DCDC2: variants seen among roughly 807,000 people sequenced by gnomAD.
DCDC2 encodes doublecortin domain-containing protein 2.
Under a neutral mutation model 50.2 loss-of-function variants are expected in DCDC2, and 40 were observed. That is an observed-to-expected ratio of 0.80 (90% confidence interval 0.62 to 1.04). The LOEUF is 1.04. DCDC2 is among the 50% of genes least tolerant of loss of function. The pLI, the probability that DCDC2 is intolerant of heterozygous loss-of-function variation, is 0.00. For missense variants in DCDC2, 570 were observed against 581.9 expected, an observed-to-expected ratio of 0.98 and a Z score of 0.21; for synonymous variants, 234 against 210.6, an observed-to-expected ratio of 1.11 and a Z score of -0.96.
chr6:24,354,990 G>A (rs1015865155), intron 1 of DCDC2, among the ~76,000 whole-genome samples: 9 of 152,088 alleles, frequency 5.9e-5, no homozygotes, highest in African/African-American at 1.7e-4. Flanking sequence ...CCTCAATATC[G>A]TTTGGGCTTT....
intron 7 of DCDC2, among the ~76,000 whole-genome samples, chr6:24,217,823 C>A (rs957559051): frequency 1.3e-5 from 2 of 152,166 alleles, no homozygotes; most frequent in Non-Finnish European, 2.9e-5. Context: ...GATATAATAA[C>A]TTTAACTGGT....
At chr6:24,179,224 C>G (rs1389389207) in intron 8 of DCDC2, among the ~76,000 whole-genome samples, 1 of 152,064 alleles carries the variant, frequency 6.6e-6, no homozygotes, top group Non-Finnish European at 1.5e-5. Context: ...GATCTAAGGT[C>G]AAGAAACTAT....
chr6:24,186,804 C>T (rs893005123), intron 8 of DCDC2, among the ~76,000 whole-genome samples: 1 of 152,030 alleles, frequency 6.6e-6, no homozygotes, highest in Admixed American at 6.5e-5. Context: ...TGAACTGTAC[C>T]CTCCCTCACA....
At chr6:24,186,553 G>A (rs990101627) in intron 8 of DCDC2, among the ~76,000 whole-genome samples, 43 of 152,134 alleles carry the variant, frequency 2.8e-4, no homozygotes, top group Admixed American at 1.5e-3. Flanking sequence ...AAAACTGGTC[G>A]CCATGGTAAC....
At chr6:24,194,308 G>A (rs948336912) in intron 8 of DCDC2, among the ~76,000 whole-genome samples, 5 of 152,086 alleles carry the variant, frequency 3.3e-5, no homozygotes, top group Non-Finnish European at 5.9e-5. Context: ...ACAACCTCCA[G>A]TTTAAAAAAA....
chr6:24,283,481 C>T (rs906988936), intron 6 of DCDC2, among the ~76,000 whole-genome samples: 3 of 152,084 alleles, frequency 2.0e-5, no homozygotes, highest in African/African-American at 7.2e-5. Flanking sequence ...ACACTCCCTT[C>T]TATATGCAAA....
rs60077867 is a variant in DCDC2 at position 24,237,186 on chromosome 6, T to TA, written c.923-32085dup. 4.1e-3 allele frequency among the ~76,000 whole-genome samples: 596 copies of TA among 147,064 alleles called. 5 individuals are homozygous for TA. The highest frequency in any genetic ancestry group is 0.01 in the African/African-American group (414 of 40,726). On this transcript the variant is annotated intron_variant, in intron 7 of 9. Coordinates refer to ENST00000378454, the MANE Select transcript of DCDC2 (RefSeq NM_016356.5). The stretch of plus-strand genomic sequence containing the variant: ...AGTCAGAATGGCTATCATGAAAAGG[T>TA]AAAAAAAAAAAATCAGGCCCTAATT...
At chr6:24,182,629 G>GAAAA (rs71002473) in intron 8 of DCDC2, among the ~76,000 whole-genome samples, 3,368 of 105,816 alleles carry the variant, frequency 0.032, 161 homozygotes, top group Middle Eastern at 0.071. Flanking sequence ...ATGATGACAA[G>GAAAA]AAAAAAAAAA....
intron 2 of DCDC2, among the ~76,000 whole-genome samples, chr6:24,303,254 T>C (rs1759414644): frequency 6.6e-6 from 1 of 152,068 alleles, no homozygotes; most frequent in Admixed American, 6.6e-5. Flanking sequence ...CCACCTTTAA[T>C]ACTGGAAGAT....
chr6:24,254,976 G>A (rs1762872887), intron 7 of DCDC2, among the ~76,000 whole-genome samples: 1 of 152,108 alleles, frequency 6.6e-6, no homozygotes, highest in Non-Finnish European at 1.5e-5. Context: ...ATTCTAAAAT[G>A]TATATGAAAT....
At chr6:24,259,132 T>TG (rs1202846649) in intron 7 of DCDC2, among the ~76,000 whole-genome samples, 2 of 99,522 alleles carry the variant, frequency 2.0e-5, no homozygotes, top group East Asian at 5.1e-4. Flanking sequence ...ACAAGACATG[T>TG]GAAAAAAAAA....
At chr6:24,187,193 T>C (rs1218653234) in intron 8 of DCDC2, among the ~76,000 whole-genome samples, 1 of 152,158 alleles carries the variant, frequency 6.6e-6, no homozygotes, top group Non-Finnish European at 1.5e-5. Flanking sequence ...GAAGTTGGGT[T>C]CCTCAACAAT....
intron 6 of DCDC2, among the ~76,000 whole-genome samples, chr6:24,288,286 G>A (rs1253035758): frequency 6.6e-6 from 1 of 152,198 alleles, no homozygotes. Context: ...CCCCATCAGG[G>A]AGCGCAGACT....
intron 2 of DCDC2, among the ~76,000 whole-genome samples, chr6:24,318,500 C>T (rs538336150): frequency 1.3e-5 from 2 of 152,160 alleles, no homozygotes; most frequent in Admixed American, 1.3e-4. Flanking sequence ...GTATCCATCA[C>T]TGGAATAATG....
At chr6:24,184,621 T>C (rs1186514625) in intron 8 of DCDC2, among the ~76,000 whole-genome samples, 1 of 152,092 alleles carries the variant, frequency 6.6e-6, no homozygotes, top group Non-Finnish European at 1.5e-5. Context: ...ACAAAATATT[T>C]TGGGAATTTC....
In DCDC2 at chr6:24,260,427, TTTCA is replaced by T. The variant is rs568711040; in HGVS notation, c.922+17618_922+17621del. Among the ~76,000 whole-genome samples the T allele has an allele frequency of 2.1e-3, 323 of 152,354 alleles. 6 individuals carry two copies. Among genetic ancestry groups the T allele is most frequent in the Non-Finnish European group, 1.7e-3 (119 of 68,028 alleles). On this transcript the variant is annotated intron_variant, in intron 7 of 9. Transcript: ENST00000378454. ...CAAAAGTGTTTTCTCAGTCATAATG[TTTCA>T]TTATTATAAAAATGCTAAATAACCA...
chr6:24,334,887 G>T (rs1430658450), intron 2 of DCDC2, among the ~76,000 whole-genome samples: 1 of 152,100 alleles, frequency 6.6e-6, no homozygotes, highest in Non-Finnish European at 1.5e-5. Context: ...TCCTGGGGTG[G>T]CAAAAGGAGA....
chr6:24,367,402 G>A, the DCDC2 span, among the ~76,000 whole-genome samples: 1 of 152,186 alleles, frequency 6.6e-6, no homozygotes, highest in South Asian at 2.1e-4. Flanking sequence ...CAAAGAGTTA[G>A]ACCATAAATG....
chr6:24,304,637 A>C (rs1025409363), intron 2 of DCDC2, among the ~76,000 whole-genome samples: 4 of 152,216 alleles, frequency 2.6e-5, no homozygotes, highest in Admixed American at 6.5e-5. Flanking sequence ...ATTCCTTCAA[A>C]GATAGTCTGT....
Sources: gnomAD v4.1 joint callset for allele counts (sites outside exome capture counted in the v4.1 genomes callset) on GRCh38, gnomAD v4.1.1 for gene constraint, MANE v1.5 for transcripts, NCBI Gene and HGNC (gene_info 2026-07-23, HGNC 2026-07-21) for gene names.